SRP68: variants seen among roughly 807,000 people sequenced by gnomAD.
SRP68 encodes signal recognition particle 68, also known as signal recognition particle subunit SRP68.
In SRP68, 15 loss-of-function variants were observed where a neutral mutation model predicts 82.2. The observed-to-expected ratio is 0.18, with a 90% confidence interval of 0.12 to 0.28. SRP68 has a LOEUF of 0.28. Among genes scored for constraint, SRP68 ranks in the 10% least tolerant of loss-of-function variants. SRP68 has a pLI of 1.00. For missense variants in SRP68, 595 were observed against 780.5 expected (o/e 0.76, Z 2.83); for synonymous variants, 261 against 292.6 (o/e 0.89, Z 1.10).
At chr17:76,050,587 G>C (rs1047234225) in intron 8 of SRP68, 61 bp from the exon 9 acceptor site, 1 of 1,313,056 alleles carries the variant, frequency 7.6e-7, no homozygotes, top group South Asian at 1.2e-5. Context: ...TCACCTAATG[G>C]GAGAGGAGCA....
chr17:76,050,634 C>G lies in SRP68; in HGVS notation c.979-108G>C, dbSNP rs1020164140. 28 of 688,930 alleles carry G rather than the reference C, an allele frequency of 4.1e-5. No individual in the cohort carries two copies. The African/African-American group carries it at 4.4e-4, about 11-fold the overall frequency. 42.7% of individuals were successfully genotyped at this position (688,930 alleles called of 1,614,324 possible). On this transcript the variant is annotated intron_variant, in intron 8 of 15. Transcript: ENST00000307877. ...GGAGTCCCCCAACCACACACTCACTCACGCACGCCACACCAGATATCATTT... is the reference window on the plus strand; with the variant it reads ...GGAGTCCCCCAACCACACACTCACTGACGCACGCCACACCAGATATCATTT...
At position 76,072,329 on chromosome 17, in the gene SRP68, C is replaced by T. The variant is rs918205064; in HGVS notation, c.163G>A (p.Gly55Arg). The change falls in exon 1 of 16, where the codon GGG becomes AGG. Residue 55 changes from glycine to arginine, a missense_variant. By Grantham distance (125) the Gly-to-Arg change is moderately radical. Around this residue, in one of 2 missense-constraint regions of SRP68, gnomAD observed 100 missense variants for 91.9 expected, o/e 1.09. Coordinates refer to ENST00000307877, the MANE Select transcript of SRP68 (RefSeq NM_014230.4). The surrounding 1 kb of genome is among the most constrained non-coding windows in gnomAD (Gnocchi z 4.5). Reference protein sequence around the residue: ...SAGSKANKEFGDSLSLEILQI... With the variant: ...SAGSKANKEFRDSLSLEILQI... ...ATACTCTCCAAACTCAGGCTATCCC[C>T]AAATTCTTTGTTTGCCTTCGATCCG... The T allele has an allele frequency of 1.2e-6, 2 of 1,612,482 alleles. No individual in the cohort carries two copies. The highest frequency in any genetic ancestry group is 1.7e-6 in the Non-Finnish European group (2 of 1,179,560).
chr17:76,052,587 G>A (rs1171185965), intron 8 of SRP68, among the ~76,000 whole-genome samples: 1 of 149,426 alleles, frequency 6.7e-6, no homozygotes, highest in Admixed American at 6.6e-5. Flanking sequence ...GGCGGATCAC[G>A]AGCTCAGGAG....
intron 13 of SRP68, among the ~76,000 whole-genome samples, chr17:76,042,379 G>A (rs2144480973): frequency 6.6e-6 from 1 of 151,840 alleles, no homozygotes; most frequent in African/African-American, 2.4e-5. Flanking sequence ...TGAGGTCAGC[G>A]GATCAAGAGG....
intron 4 of SRP68, among the ~76,000 whole-genome samples, chr17:76,062,732 TATA>T (rs1567935199): frequency 0.013 from 27 of 2,148 alleles, 2 homozygotes; most frequent in Middle Eastern, 0.14. Context: ...ATTTATTTTA[TATA>T]TATATATATA....
In SRP68 at chr17:76,039,156, T is replaced by C; in HGVS notation, c.*550A>G. 1 of 338,898 alleles carries C rather than the reference T, an allele frequency of 3.0e-6. No homozygotes were observed. Among genetic ancestry groups the C allele is most frequent in the Non-Finnish European group, 5.9e-6 (1 of 168,532 alleles). 21.0% of individuals were successfully genotyped at this position (338,898 alleles called of 1,614,324 possible). A position where few individuals can be genotyped will look rare whatever the true frequency, so the allele number is the denominator to read the frequency against. On this transcript the variant is annotated 3_prime_UTR_variant, in exon 16 of 16. Transcript: ENST00000307877. ...GATTTGGTTTCATCATTTCTGAGTGTAACATATTTCTTCTAAAAATAGAGC... is the reference window on the plus strand; with the variant it reads ...GATTTGGTTTCATCATTTCTGAGTGCAACATATTTCTTCTAAAAATAGAGC...
Position 76,071,939 on chromosome 17 carries a change from C to G in SRP68, c.184+369G>C. 1 of 333,668 alleles carries G rather than the reference C, an allele frequency of 3.0e-6. No homozygotes were observed. Among genetic ancestry groups the G allele is most frequent in the Non-Finnish European group, 5.5e-6 (1 of 181,446 alleles). 20.7% of individuals were successfully genotyped at this position (333,668 alleles called of 1,614,324 possible). A position where few individuals can be genotyped will look rare whatever the true frequency, so the allele number is the denominator to read the frequency against. ...ACGACTGTCAGACAAGAGTATTAAG[C>G]CAAATGTCAAGACTGCAGTTTCCTC... On this transcript the variant is annotated intron_variant, in intron 1 of 15. Coordinates refer to ENST00000307877, the MANE Select transcript of SRP68 (RefSeq NM_014230.4). This position sits in a 1 kb window ranked among gnomAD's most constrained non-coding sequence, Gnocchi z 4.7.
intron 2 of SRP68, among the ~76,000 whole-genome samples, chr17:76,069,000 TATAA>T (rs1445021398): frequency 3.5e-5 from 5 of 142,464 alleles, no homozygotes; most frequent in African/African-American, 7.3e-5. Flanking sequence ...AAAATATATA[TATAA>T]ATAAATAAAT....
At chr17:76,041,046 G>A (rs940417243) in intron 13 of SRP68, 68 bp from the exon 14 acceptor site, 24 of 1,266,232 alleles carry the variant, frequency 1.9e-5, no homozygotes, top group Middle Eastern at 1.9e-4. Context: ...AAGCTAACCC[G>A]AGTTAACCGA....
chr17:76,043,632 A>G (rs1048080472), intron 13 of SRP68, 197 bp downstream of exon 13: 1 of 407,776 alleles, frequency 2.5e-6, no homozygotes, highest in African/African-American at 2.1e-5. Context: ...TTCATACCTA[A>G]ATCCTCCTCA....
rs181247329 is a variant in SRP68, at chr17:76,062,954, T to C, written c.561+1022A>G. On this transcript the variant is annotated intron_variant, in intron 4 of 15. Transcript: ENST00000307877. The stretch of plus-strand genomic sequence containing the variant: ...CCCAGCTAATTTTTTGTATTTTTAG[T>C]AGAGATGGGGTTTCACCGTGTTAGC... Among the ~76,000 whole-genome samples the C allele has an allele frequency of 3.8e-3, 560 of 148,872 alleles. 5 individuals carry two copies. Among genetic ancestry groups the C allele is most frequent in the African/African-American group, 0.013 (519 of 40,194 alleles).
intron 3 of SRP68, among the ~76,000 whole-genome samples, chr17:76,065,008 T>C (rs1415020474): frequency 1.3e-5 from 2 of 152,188 alleles, no homozygotes; most frequent in East Asian, 1.9e-4. Context: ...ATAACACATT[T>C]AGACCAGAAC....
At chr17:76,049,633 G>A (rs1302594469) in intron 9 of SRP68, 1 of 152,176 alleles carries the variant, frequency 6.6e-6, no homozygotes, top group African/African-American at 2.4e-5. Flanking sequence ...AACCCAGGGA[G>A]TCTGGGTATG....
In SRP68 at chr17:76,072,368, C is replaced by G. The variant is rs768400729; in HGVS notation, c.124G>C (p.Glu42Gln). The G allele has an allele frequency of 6.2e-7, 1 of 1,612,682 alleles. No individual in the cohort carries two copies. Among genetic ancestry groups the G allele is most frequent in the South Asian group, 1.1e-5 (1 of 90,982 alleles). ...GAGGEENKEN[E>Q]RPSAGSKANK... ...GCCTTCGATCCGGCCGAAGGGCGTT[C>G]GTTTTCTTTATTTTCTTCCCCTCCG... The change falls in exon 1 of 16, where the codon GAA (glutamate) becomes CAA (glutamine). Residue 42 changes from glutamate to glutamine, a missense_variant. Coordinates refer to ENST00000307877, the MANE Select transcript of SRP68 (RefSeq NM_014230.4). The surrounding 1 kb of genome is among the most constrained non-coding windows in gnomAD (Gnocchi z 4.5).
intron 7 of SRP68, among the ~76,000 whole-genome samples, chr17:76,058,026 G>A (rs1325660214): frequency 1.3e-5 from 2 of 151,982 alleles, no homozygotes; most frequent in East Asian, 1.9e-4. Flanking sequence ...AGGCTGGAGT[G>A]CAGTGGCCTA....
chr17:76,044,031 T>G, intron 12 of SRP68, 73 bp from the exon 13 acceptor site: 1 of 1,523,432 alleles, frequency 6.6e-7, no homozygotes, highest in Non-Finnish European at 8.8e-7. Context: ...CCTTGCAGTT[T>G]AGGCGAAATT....
chr17:76,064,015 C>G lies in SRP68; in HGVS notation c.522G>C (p.Glu174Asp), dbSNP rs1268549017. The change falls in exon 4 of 16, where the codon GAG becomes GAC. Residue 174 changes from glutamate to aspartate, a missense_variant. Physicochemically the swap from Glu to Asp is conservative, Grantham distance 45. Around this residue, in one of 2 missense-constraint regions of SRP68, gnomAD observed 495 missense variants for 688.6 expected, o/e 0.72. Coordinates refer to ENST00000307877, the MANE Select transcript of SRP68 (RefSeq NM_014230.4). Reference sequence around the variant, plus strand: ...TGGTCTTGGCATCCACGCGATTGCTCTCACACAAGCGTTCCAATTCCTCTG... The same window carrying G: ...TGGTCTTGGCATCCACGCGATTGCTGTCACACAAGCGTTCCAATTCCTCTG... ...KHAEELERLC[E>D]SNRVDAKTKL... is the part of the protein sequence containing the mutation. The G allele has an allele frequency of 4.3e-6, 7 of 1,614,166 alleles. No individual in the cohort carries two copies. Among genetic ancestry groups the G allele is most frequent in the Non-Finnish European group, 5.9e-6 (7 of 1,180,002 alleles).
At chr17:76,051,538 G>C (rs965786508) in intron 8 of SRP68, among the ~76,000 whole-genome samples, 1 of 152,154 alleles carries the variant, frequency 6.6e-6, no homozygotes, top group African/African-American at 2.4e-5. Flanking sequence ...TGGGGGAACA[G>C]GGGCTTAAAG....
At position 76,043,883 on chromosome 17, in the gene SRP68, C is replaced by T. The variant is rs1392797530; in HGVS notation, c.1470G>A (p.Leu490=). Residue 490 remains leucine, a synonymous_variant, in exon 13 of 16, where the codon CTG becomes CTA. Transcript: ENST00000307877. ...SEALVLYDRV[L]KYANEVNSDA... ...CAGAATTTACTTCATTTGCATATTT[C>T]AGGACTCTGTCATACAGGACAAGGG... is the stretch of plus-strand genomic sequence containing the variant. 6.2e-7 allele frequency: 1 copy of T among 1,612,012 alleles called. No individual in the cohort carries two copies. The highest frequency in any genetic ancestry group is 2.2e-5 in the East Asian group (1 of 44,756).
Sources: gnomAD v4.1 joint callset for allele counts (sites outside exome capture counted in the v4.1 genomes callset) on GRCh38, gnomAD v4.1.1 for gene constraint, gnomAD v4.1.1 regional missense constraint, Gnocchi (gnomAD v3.1) non-coding constraint, MANE v1.5 for transcripts, NCBI Gene and HGNC (gene_info 2026-07-23, HGNC 2026-07-21) for gene names.